The following CNTN4 variants were observed in gnomAD, a reference collection of about 807,000 sequenced individuals.
The protein encoded by CNTN4 is contactin-4.
In CNTN4, 77 loss-of-function variants were observed where a neutral mutation model predicts 122.5. That is an observed-to-expected ratio of 0.63 (90% CI 0.52 to 0.76). The LOEUF (loss-of-function observed/expected upper bound fraction) is 0.76. Among genes scored for constraint, CNTN4 ranks in the 30% least tolerant of loss-of-function variants. CNTN4 has a pLI of 0.00. For missense variants in CNTN4, 1,256 were observed against 1,259.1 expected (o/e 1.00, Z 0.04); for synonymous variants, 512 against 447.0 (o/e 1.15, Z -1.83).
Position 2,745,568 on chromosome 3 carries a change from TAC to T in CNTN4, c.231_232del (p.Tyr77Ter). 1.2e-6 allele frequency: 2 copies of T among 1,614,170 alleles called. No individual in the cohort carries two copies. The highest frequency in any genetic ancestry group is 2.2e-5 in the East Asian group (1 of 44,874). On this transcript the variant is annotated frameshift_variant, in exon 6 of 25. Coordinates refer to ENST00000418658, the MANE Select transcript of CNTN4 (RefSeq NM_175607.3). LOFTEE classifies it high-confidence loss of function. ...TDVDTGMDFR[Y>X]SVVEGSLLIN... ...TGTTGACACTGGTATGGATTTCCGC[TAC>T]AGTGTTGTTGAAGGGAGCTTGTTGA...
At chr3:3,033,645 G>C (rs1213195974) in intron 16 of CNTN4, among the ~76,000 whole-genome samples, 1 of 152,110 alleles carries the variant, frequency 6.6e-6, no homozygotes, top group Admixed American at 6.6e-5. Flanking sequence ...TTGTCATTAT[G>C]TCCCCTCACC....
chr3:2,613,202 A>T (rs114557189), intron 4 of CNTN4, among the ~76,000 whole-genome samples: 1,526 of 152,194 alleles, frequency 0.01, 20 homozygotes, highest in African/African-American at 0.035. Flanking sequence ...CAGAAGAAAA[A>T]GTTCTATGTA....
intron 5 of CNTN4, among the ~76,000 whole-genome samples, chr3:2,743,826 A>T (rs944133370): frequency 1.3e-5 from 2 of 152,132 alleles, no homozygotes; most frequent in African/African-American, 4.8e-5. Flanking sequence ...TTGTTTTGAG[A>T]TGAGGTCTCG....
chr3:3,006,796 T>C (rs1051649719), intron 14 of CNTN4, among the ~76,000 whole-genome samples: 3 of 152,218 alleles, frequency 2.0e-5, no homozygotes, highest in Non-Finnish European at 4.4e-5. Context: ...TCTAGAAGTT[T>C]CCGTTTTTCC....
intron 7 of CNTN4, among the ~76,000 whole-genome samples, chr3:2,859,773 A>G (rs1336243246): frequency 1.3e-5 from 2 of 152,312 alleles, no homozygotes; most frequent in Admixed American, 1.3e-4. Flanking sequence ...TCATATACTC[A>G]TATTTGGCTT....
chr3:2,127,450 T>C (rs184415754), intron 2 of CNTN4, among the ~76,000 whole-genome samples: 1 of 152,266 alleles, frequency 6.6e-6, no homozygotes, highest in East Asian at 1.9e-4. Context: ...AAATTCAGGC[T>C]CATTGAACTT....
chr3:2,539,040 G>A (rs2077927582), intron 3 of CNTN4, among the ~76,000 whole-genome samples: 1 of 151,912 alleles, frequency 6.6e-6, no homozygotes, highest in African/African-American at 2.4e-5. Flanking sequence ...TTAGCTTTAA[G>A]CTATTGGAAT....
intron 7 of CNTN4, among the ~76,000 whole-genome samples, chr3:2,845,361 G>C (rs1342967288): frequency 2.0e-5 from 3 of 151,486 alleles, no homozygotes; most frequent in Admixed American, 2.0e-4. Flanking sequence ...TAAATAAAAG[G>C]TAAGAGTTAC....
At chr3:2,671,649 G>C (rs2084521288) in intron 4 of CNTN4, among the ~76,000 whole-genome samples, 1 of 152,152 alleles carries the variant, frequency 6.6e-6, no homozygotes, top group Non-Finnish European at 1.5e-5. Flanking sequence ...CGTTCCTTTG[G>C]AGGAGGAGAG....
chr3:2,978,091 T>C (rs1323781268), intron 13 of CNTN4, among the ~76,000 whole-genome samples: 1 of 152,190 alleles, frequency 6.6e-6, no homozygotes, highest in Admixed American at 6.5e-5. Flanking sequence ...AATACCTTCA[T>C]GTCAGACTGC....
At chr3:2,644,860 C>A (rs577030743) in intron 4 of CNTN4, among the ~76,000 whole-genome samples, 1 of 148,314 alleles carries the variant, frequency 6.7e-6, no homozygotes, top group African/African-American at 2.5e-5. Flanking sequence ...AGCAACTAAC[C>A]CCTTGTCTTG....
At chr3:2,628,023 C>T (rs1162872974) in intron 4 of CNTN4, among the ~76,000 whole-genome samples, 1 of 152,142 alleles carries the variant, frequency 6.6e-6, no homozygotes, top group Non-Finnish European at 1.5e-5. Flanking sequence ...GGACTTGCTT[C>T]GTAGTATAAT....
chr3:2,757,192 A>G (rs371348899), intron 6 of CNTN4, among the ~76,000 whole-genome samples: 1 of 152,176 alleles, frequency 6.6e-6, no homozygotes, highest in East Asian at 1.9e-4. Flanking sequence ...ATAAAGTATG[A>G]TTTGACCAGA....
chr3:2,118,537 A>C (rs929877676), intron 2 of CNTN4, among the ~76,000 whole-genome samples: 3 of 152,250 alleles, frequency 2.0e-5, no homozygotes, highest in Non-Finnish European at 4.4e-5. Context: ...GAATTTTTGT[A>C]GTTATAGTAG....
intron 2 of CNTN4, among the ~76,000 whole-genome samples, chr3:2,314,426 T>C (rs191326611): frequency 1.3e-5 from 2 of 152,108 alleles, no homozygotes; most frequent in African/African-American, 4.8e-5. Flanking sequence ...CTGACCTACA[T>C]ACATATTAGA....
chr3:2,826,871 G>T lies in CNTN4; in HGVS notation c.454+7290G>T, dbSNP rs542182367. On this transcript the variant is annotated intron_variant, in intron 7 of 24. Coordinates refer to ENST00000418658, the MANE Select transcript of CNTN4 (RefSeq NM_175607.3). ...TTATTCTCATCTTCTTCCCCAAACTGGTTCCTGGGTTTACCAGTTTTATAT... is the reference window on the plus strand; with the variant it reads ...TTATTCTCATCTTCTTCCCCAAACTTGTTCCTGGGTTTACCAGTTTTATAT... 7.3e-4 allele frequency among the ~76,000 whole-genome samples: 111 copies of T among 152,234 alleles called. 1 individual carries two copies. The highest frequency in any genetic ancestry group is 6.8e-3 in the Middle Eastern group (2 of 294).
intron 4 of CNTN4, among the ~76,000 whole-genome samples, chr3:2,701,814 G>A (rs2086375543): frequency 6.6e-6 from 1 of 152,064 alleles, no homozygotes; most frequent in Non-Finnish European, 1.5e-5. Context: ...AAAAGTAATT[G>A]CAGTTTTTGC....
intron 3 of CNTN4, among the ~76,000 whole-genome samples, chr3:2,499,392 AT>A (rs1318603392): frequency 6.6e-6 from 1 of 152,254 alleles, no homozygotes; most frequent in East Asian, 1.9e-4. Flanking sequence ...AATATTCCTG[AT>A]TAAATAATAA....
chr3:2,350,474 C>T (rs1297052303), intron 3 of CNTN4, among the ~76,000 whole-genome samples: 1 of 152,048 alleles, frequency 6.6e-6, no homozygotes, highest in Non-Finnish European at 1.5e-5. Flanking sequence ...CAGATTTGTC[C>T]TGATGCTAAT....
Sources: gnomAD v4.1 joint callset for allele counts (sites outside exome capture counted in the v4.1 genomes callset) on GRCh38, gnomAD v4.1.1 for gene constraint, MANE v1.5 for transcripts, NCBI Gene and HGNC (gene_info 2026-07-23, HGNC 2026-07-21) for gene names.